The following ADGRL2 variants were observed in gnomAD, a reference collection of about 807,000 sequenced individuals.
The protein encoded by ADGRL2 is adhesion G protein-coupled receptor L2, also known as calcium-independent alpha-latrotoxin receptor 2.
ADGRL2 carries 44 observed loss-of-function variants against 157.4 expected under a neutral mutation model. That is an observed-to-expected ratio of 0.28 (90% CI 0.22 to 0.36). ADGRL2 has a LOEUF of 0.36. Ranked by LOEUF, ADGRL2 falls within the 10% of genes least tolerant of loss-of-function variation. The pLI is 1.00. For synonymous variants in ADGRL2, 585 were observed against 624.7 expected (o/e 0.94, Z 0.95); for missense variants, 1,510 against 1,768.9 (o/e 0.85, Z 2.63).
At chr1:81,913,921 A>G (rs1185187896) in intron 3 of ADGRL2, among the ~76,000 whole-genome samples, 1 of 152,126 alleles carries the variant, frequency 6.6e-6, no homozygotes, top group Non-Finnish European at 1.5e-5. Flanking sequence ...TAACATGTCT[A>G]TTATTTTCAA....
At chr1:81,532,425 A>G (rs887507036) in intron 2 of ADGRL2, among the ~76,000 whole-genome samples, 6 of 152,092 alleles carry the variant, frequency 3.9e-5, no homozygotes, top group African/African-American at 1.4e-4. Flanking sequence ...TTTAACTTCT[A>G]TTCTCTCAGT....
Position 81,472,515 on chromosome 1 carries a change from C to T in ADGRL2, c.-248+27426C>T, listed in dbSNP as rs181048109. On this transcript the variant is annotated intron_variant, in intron 2 of 24. Transcript: ENST00000370721. ...GGGTGGTGGCACACGCCTGTAATCC[C>T]AGCTACTCAGGAGTCTGAGGCAAGA... Among the ~76,000 whole-genome samples, 91 of 152,218 alleles carry T rather than the reference C, an allele frequency of 6.0e-4. 1 individual carries two copies. The Middle Eastern group carries it at 0.014, about 23-fold the overall frequency.
At chr1:81,310,571 A>G (rs1362888871) in intron 1 of ADGRL2, among the ~76,000 whole-genome samples, 1 of 152,168 alleles carries the variant, frequency 6.6e-6, no homozygotes, top group Non-Finnish European at 1.5e-5. Flanking sequence ...TTCTTTTTAG[A>G]TCTTTGAAGT....
chr1:81,574,497 A>G (rs1315117461), intron 2 of ADGRL2, among the ~76,000 whole-genome samples: 1 of 152,218 alleles, frequency 6.6e-6, no homozygotes, highest in Non-Finnish European at 1.5e-5. Context: ...AGAGCCCAGT[A>G]CAATATGCTT....
At chr1:81,387,995 A>AT (rs1157504244) in intron 1 of ADGRL2, among the ~76,000 whole-genome samples, 76 of 152,070 alleles carry the variant, frequency 5.0e-4, no homozygotes, top group African/African-American at 1.7e-3. Context: ...TCAATATTTT[A>AT]TGTCCTGTTA....
chr1:81,780,859 C>T (rs2086783759), intron 2 of ADGRL2, among the ~76,000 whole-genome samples: 1 of 151,996 alleles, frequency 6.6e-6, no homozygotes. Context: ...AGGCTATGTC[C>T]CCCCACAGAA....
chr1:81,726,628 T>A (rs930197623), intron 1 of ADGRL2, among the ~76,000 whole-genome samples: 2 of 152,200 alleles, frequency 1.3e-5, no homozygotes, highest in African/African-American at 4.8e-5. Context: ...GGTCCTATTT[T>A]ACCAGAATTG....
At chr1:81,337,245 C>T (rs1661710833) in intron 1 of ADGRL2, among the ~76,000 whole-genome samples, 1 of 152,200 alleles carries the variant, frequency 6.6e-6, no homozygotes, top group African/African-American at 2.4e-5. Flanking sequence ...ATACAGGGGG[C>T]TGTCACACTG....
At position 81,824,973 on chromosome 1, in the gene ADGRL2, C is replaced by CTCTG. The variant is rs201883678; in HGVS notation, c.-100-11909_-100-11908insGTCT. 7.1e-4 allele frequency among the ~76,000 whole-genome samples: 84 copies of CTCTG among 118,176 alleles called. No homozygotes were observed. The East Asian group carries it at 0.015, about 21-fold the overall frequency. 77.5% of individuals were successfully genotyped at this position (118,176 alleles called of 152,430 possible). ...CCTCTCTCTCTCTCTCTCTCTCTCT[C>CTCTG]TCTCTCTCTGTCTTTCAGATTTTCA... On this transcript the variant is annotated intron_variant, in intron 1 of 23. Coordinates refer to ENST00000686636, the MANE Select transcript of ADGRL2 (RefSeq NM_001366006.2).
At chr1:81,429,731 G>A (rs1380434986) in intron 1 of ADGRL2, among the ~76,000 whole-genome samples, 1 of 152,160 alleles carries the variant, frequency 6.6e-6, no homozygotes, top group Non-Finnish European at 1.5e-5. Context: ...TAAGCAGTCT[G>A]AAATGATACA....
At chr1:81,541,172 C>A (rs2079874484) in intron 2 of ADGRL2, among the ~76,000 whole-genome samples, 2 of 152,108 alleles carry the variant, frequency 1.3e-5, no homozygotes, top group Admixed American at 6.5e-5. Context: ...TGATTTATTT[C>A]TCTTATGTCT....
rs569112387 is a variant in ADGRL2, at chr1:81,323,917, G to C, written c.-302+17408G>C. On this transcript the variant is annotated intron_variant, in intron 1 of 24. Transcript: ENST00000370721. ...AGAGGAGCATCGCAAAGAATCAAGA[G>C]AGAATGTTGTGAGAAGAAAATGAGG... Among the ~76,000 whole-genome samples the C allele has an allele frequency of 1.1e-4, 17 of 152,320 alleles. No individual in the cohort carries two copies. In the South Asian group the frequency reaches 3.5e-3, roughly 32 times the overall value.
At chr1:81,396,280 T>A (rs2076653408) in intron 1 of ADGRL2, among the ~76,000 whole-genome samples, 1 of 152,204 alleles carries the variant, frequency 6.6e-6, no homozygotes, top group East Asian at 1.9e-4. Flanking sequence ...GATTGCTTTC[T>A]TGATTTCTTT....
chr1:81,601,518 C>T (rs1013877228), intron 3 of ADGRL2, among the ~76,000 whole-genome samples: 1 of 152,176 alleles, frequency 6.6e-6, no homozygotes, highest in Non-Finnish European at 1.5e-5. Context: ...TTAGCACATT[C>T]ACATACAACC....
chr1:81,837,065 C>A lies in ADGRL2; in HGVS notation c.73+8C>A, dbSNP rs763300670. 21 of 1,549,290 alleles carry A rather than the reference C, an allele frequency of 1.4e-5. No individual in the cohort carries two copies. In the East Asian group the frequency reaches 4.8e-4, roughly 35 times the overall value. ...TCTTACCAAATACAGAAGGTAAGAT[C>A]CAGTTTACATTTTGTTTTTTAAATC... is the stretch of plus-strand genomic sequence containing the variant. On this transcript the variant is annotated splice_region_variant and intron_variant, in intron 2 of 23. Transcript: ENST00000686636.
Position 81,990,470 on chromosome 1 carries a change from G to T in ADGRL2, c.3735G>T (p.Ser1245=), listed in dbSNP as rs138002220. Residue 1245 remains serine, a synonymous_variant, in exon 24 of 24, where the codon TCG becomes TCT. Transcript: ENST00000686636. ...PLNGNFNNSY[S]LHKGDYNDSV... ...ATGGTAATTTTAACAACAGCTACTCGCTGCACAAGGGTGACTATAATGACA... is the reference window on the plus strand; with the variant it reads ...ATGGTAATTTTAACAACAGCTACTCTCTGCACAAGGGTGACTATAATGACA... 2 of 1,613,938 alleles carry T rather than the reference G, an allele frequency of 1.2e-6. No individual in the cohort carries two copies. Among genetic ancestry groups the T allele is most frequent in the Admixed American group, 1.7e-5 (1 of 59,988 alleles).
chr1:81,810,763 C>A lies in ADGRL2; in HGVS notation c.-101+9695C>A, dbSNP rs563812488. ...GAAGATTCGTGTACTGAAAATAATA[C>A]ATCTCTCCAATATTAAAGAGATGAG... On this transcript the variant is annotated intron_variant, in intron 1 of 23. Coordinates refer to ENST00000686636, the MANE Select transcript of ADGRL2 (RefSeq NM_001366006.2). Among the ~76,000 whole-genome samples, 7 of 151,926 alleles carry A rather than the reference C, an allele frequency of 4.6e-5. No homozygotes were observed. In the East Asian group the frequency reaches 1.4e-3, roughly 29 times the overall value.
At chr1:81,571,012 A>G (rs930304010) in intron 2 of ADGRL2, among the ~76,000 whole-genome samples, 3 of 152,096 alleles carry the variant, frequency 2.0e-5, no homozygotes, top group Non-Finnish European at 2.9e-5. Flanking sequence ...ATTCCAATAA[A>G]ACTTTATTTA....
chr1:81,509,283 T>C (rs1293654181), intron 2 of ADGRL2, among the ~76,000 whole-genome samples: 1 of 152,034 alleles, frequency 6.6e-6, no homozygotes, highest in Admixed American at 6.5e-5. Flanking sequence ...CTGGAGACAA[T>C]GTAGCCCTCA....
Sources: allele counts gnomAD v4.1 joint callset (sites outside exome capture counted in the v4.1 genomes callset), GRCh38; gene constraint gnomAD v4.1.1; transcripts MANE v1.5; gene names NCBI Gene and HGNC (gene_info 2026-07-23, HGNC 2026-07-21).